TMEM74: variants seen among roughly 807,000 people sequenced by gnomAD.
The protein encoded by TMEM74 is transmembrane protein 74.
In TMEM74, 13 loss-of-function variants were observed where a neutral mutation model predicts 18.1. The ratio of observed to expected loss-of-function variants is 0.72; its 90% confidence interval spans 0.47 to 1.14. The LOEUF (loss-of-function observed/expected upper bound fraction) is 1.14. Among genes scored for constraint, TMEM74 ranks in the 50% most tolerant of loss-of-function variants. The pLI is 0.00. For synonymous variants in TMEM74, 159 were observed against 146.6 expected, an observed-to-expected ratio of 1.08 and a Z score of -0.61; for missense variants, 372 against 375.9, an observed-to-expected ratio of 0.99 and a Z score of 0.09.
chr8:108,660,478 C>T (rs983511602), intron 1 of TMEM74, among the ~76,000 whole-genome samples: 21 of 152,278 alleles, frequency 1.4e-4, no homozygotes, highest in Admixed American at 3.9e-4. Flanking sequence ...ATTCAACCTT[C>T]CCAAAACTTC....
intron 1 of TMEM74, among the ~76,000 whole-genome samples, chr8:108,694,972 CATG>C (rs1462565363): frequency 6.6e-6 from 1 of 152,134 alleles, no homozygotes. Flanking sequence ...TTCCAACTTT[CATG>C]ATGAGAGTTT....
At chr8:108,617,895 T>C (rs1812401774) in intron 2 of TMEM74, among the ~76,000 whole-genome samples, 1 of 152,128 alleles carries the variant, frequency 6.6e-6, no homozygotes. Context: ...GAGACCTTTC[T>C]TTTCCCCACC....
chr8:108,733,571 T>G (rs1450023243), intron 1 of TMEM74, among the ~76,000 whole-genome samples: 1 of 152,194 alleles, frequency 6.6e-6, no homozygotes, highest in Non-Finnish European at 1.5e-5. Context: ...CAATGTAGTT[T>G]ACATAAGTAC....
intron 1 of TMEM74, among the ~76,000 whole-genome samples, chr8:108,769,156 C>T (rs1814143186): frequency 6.8e-6 from 1 of 146,736 alleles, no homozygotes; most frequent in African/African-American, 2.5e-5. Context: ...TAGGTTACTA[C>T]TACTACTAAA....
Position 108,785,092 on chromosome 8 carries a change from G to A in TMEM74, c.7C>T (p.Leu3Phe). The part of the protein sequence containing the change: ME[L>F]HYLAKKSNQA... ...TTGCTCTTCTTAGCAAGGTAGTGGA[G>A]CTCCATGAGAGCTAGTCAGACATCC... The change falls in exon 2 of 2, where the codon CTC becomes TTC. Residue 3 changes from leucine to phenylalanine, a missense_variant. Physicochemically the swap from Leu to Phe is conservative, Grantham distance 22 (BLOSUM62 0). Coordinates refer to ENST00000297459, the MANE Select transcript of TMEM74 (RefSeq NM_153015.3). 1 of 1,594,558 alleles carries A rather than the reference G, an allele frequency of 6.3e-7. No individual in the cohort carries two copies. Among genetic ancestry groups the A allele is most frequent in the South Asian group, 1.1e-5 (1 of 87,806 alleles).
At chr8:108,622,369 C>T (rs1017113376) in intron 2 of TMEM74, among the ~76,000 whole-genome samples, 1 of 152,112 alleles carries the variant, frequency 6.6e-6, no homozygotes, top group African/African-American at 2.4e-5. Context: ...GTTGAAATAG[C>T]TTGCTCAAGA....
downstream of TMEM74, among the ~76,000 whole-genome samples, chr8:108,775,817 C>G (rs1814227308): frequency 6.6e-6 from 1 of 152,178 alleles, no homozygotes; most frequent in South Asian, 2.1e-4. Context: ...TGGCCGAAGG[C>G]TGGGGGTTCT....
chr8:108,667,070 C>T (rs920621627), intron 1 of TMEM74, among the ~76,000 whole-genome samples: 4 of 152,246 alleles, frequency 2.6e-5, no homozygotes, highest in African/African-American at 9.6e-5. Flanking sequence ...GGTCTAATTT[C>T]CCAACATAGA....
chr8:108,660,141 A>C (rs73306195), intron 1 of TMEM74, among the ~76,000 whole-genome samples: 3,201 of 152,196 alleles, frequency 0.021, 119 homozygotes, highest in African/African-American at 0.073. Flanking sequence ...ACCAGGACCT[A>C]CTTGTTTTCC....
chr8:108,680,354 G>A (rs184041180), intron 1 of TMEM74, among the ~76,000 whole-genome samples: 1 of 152,152 alleles, frequency 6.6e-6, no homozygotes, highest in South Asian at 2.1e-4. Flanking sequence ...ATGCAAGGCT[G>A]GTTCAACAAA....
chr8:108,756,221 AGTTAG>A (rs1813958088), intron 1 of TMEM74, among the ~76,000 whole-genome samples: 1 of 152,062 alleles, frequency 6.6e-6, no homozygotes, highest in African/African-American at 2.4e-5. Flanking sequence ...ATGAAACAGA[AGTTAG>A]GTTTTACTAT....
chr8:108,771,535 T>C (rs1814171017), intron 1 of TMEM74, among the ~76,000 whole-genome samples: 1 of 152,192 alleles, frequency 6.6e-6, no homozygotes, highest in Non-Finnish European at 1.5e-5. Context: ...ATAAATCACA[T>C]ATATAGCACA....
At chr8:108,697,651 A>C (rs1813293734) in intron 1 of TMEM74, among the ~76,000 whole-genome samples, 1 of 152,134 alleles carries the variant, frequency 6.6e-6, no homozygotes. Context: ...ACCTGGCCTC[A>C]AGAGATCCTT....
intron 1 of TMEM74, among the ~76,000 whole-genome samples, chr8:108,687,277 T>G (rs1056929006): frequency 2.0e-5 from 3 of 152,166 alleles, no homozygotes; most frequent in East Asian, 1.9e-4. Context: ...CCATTAAAAA[T>G]GAATGAATTT....
intron 1 of TMEM74, among the ~76,000 whole-genome samples, chr8:108,665,220 G>A (rs1035585596): frequency 3.3e-5 from 5 of 152,156 alleles, no homozygotes; most frequent in Non-Finnish European, 5.9e-5. Flanking sequence ...TCATTTACAG[G>A]AGAGAGGAAT....
chr8:108,668,030 C>T (rs1004952130), intron 1 of TMEM74, among the ~76,000 whole-genome samples: 12 of 152,118 alleles, frequency 7.9e-5, no homozygotes, highest in Non-Finnish European at 1.5e-4. Flanking sequence ...TCTTGTTTCC[C>T]TGACTTAAAG....
At chr8:108,613,634 G>A (rs983932040) in intron 2 of TMEM74, among the ~76,000 whole-genome samples, 6 of 152,160 alleles carry the variant, frequency 3.9e-5, no homozygotes, top group African/African-American at 1.2e-4. Context: ...TTTAGACCAC[G>A]TTGTTTCCCT....
At chr8:108,765,802 T>G (rs1814099909) in intron 1 of TMEM74, among the ~76,000 whole-genome samples, 1 of 152,152 alleles carries the variant, frequency 6.6e-6, no homozygotes. Context: ...ACTGTACATA[T>G]TGTCCTAAAT....
intron 1 of TMEM74, among the ~76,000 whole-genome samples, chr8:108,744,045 C>T (rs1813826007): frequency 6.6e-6 from 1 of 152,108 alleles, no homozygotes; most frequent in African/African-American, 2.4e-5. Flanking sequence ...GTTTAGTGCA[C>T]CTGCGCCCTG....
Sources: allele counts gnomAD v4.1 joint callset (sites outside exome capture counted in the v4.1 genomes callset), GRCh38; gene constraint gnomAD v4.1.1; transcripts MANE v1.5; gene names NCBI Gene and HGNC (gene_info 2026-07-23, HGNC 2026-07-21).